Variants in COL6A3 observed in about 807,000 individuals in gnomAD.
The protein encoded by COL6A3 is collagen type VI alpha 3 chain.
A neutral mutation model predicts 274.1 loss-of-function variants in COL6A3; 137 were observed. The ratio of observed to expected loss-of-function variants is 0.50; its 90% CI spans 0.44 to 0.58. The LOEUF is 0.58. Ranked by LOEUF, COL6A3 falls within the 20% of genes least tolerant of loss-of-function variation. COL6A3 has a pLI of 0.00. For synonymous variants in COL6A3, 1,650 were observed against 1,650.6 expected, an observed-to-expected ratio of 1.00 and a Z score of 0.01; for missense variants, 3,950 against 4,124.9, an observed-to-expected ratio of 0.96 and a Z score of 1.16.
intron 1 of COL6A3, among the ~76,000 whole-genome samples, chr2:237,403,321 G>A (rs944369855): frequency 6.6e-6 from 1 of 152,112 alleles, no homozygotes; most frequent in Non-Finnish European, 1.5e-5. Context: ...CCACAAACAA[G>A]GGAATGAACA....
At chr2:237,325,183 T>G (rs1007072278) in intron 43 of COL6A3, among the ~76,000 whole-genome samples, 1 of 152,246 alleles carries the variant, frequency 6.6e-6, no homozygotes, top group Non-Finnish European at 1.5e-5. Flanking sequence ...ATGGCCCCAG[T>G]GACAACATTG....
rs773638796 is a variant in COL6A3, at chr2:237,388,232, A to G, written c.710-48T>C. ...AAATGTGAAAGCATTAGAACAAGTG[A>G]CCACATGCATTATTCAGTGTTCTGA... On this transcript the variant is annotated intron_variant, in intron 3 of 43. Coordinates refer to ENST00000295550, the MANE Select transcript of COL6A3 (RefSeq NM_004369.4). 6.2e-6 allele frequency: 10 copies of G among 1,611,578 alleles called. 1 individual carries two copies. In the South Asian group the frequency reaches 1.1e-4, roughly 18 times the overall value.
At chr2:237,360,971 G>A in intron 16 of COL6A3, 150 bp downstream of exon 16, 1 of 731,724 alleles carries the variant, frequency 1.4e-6, no homozygotes, top group South Asian at 1.5e-5. Context: ...AGACATCCAG[G>A]CAAAGTTGTT....
Position 237,387,924 on chromosome 2 carries a change from G to A in COL6A3, c.970C>T (p.Leu324Phe), listed in dbSNP as rs767105392. The A allele has an allele frequency of 2.5e-6, 4 of 1,614,168 alleles. No individual in the cohort carries two copies. The South Asian group carries it at 4.4e-5, about 18-fold the overall frequency. Residue 324 changes from leucine to phenylalanine, a missense_variant, in exon 4 of 44, where the codon CTC becomes TTC. Leu to Phe is a conservative substitution (Grantham distance 22). Transcript: ENST00000295550. ...TTCTCCACCACGAAATCAAGGGCGA[G>A]GCCGATATTGGCCAACTCCCCACCA... ...FAGGELANIGLALDFVVENHF... is the reference protein window; with the variant it reads ...FAGGELANIGFALDFVVENHF...
At position 237,379,048 on chromosome 2, in the gene COL6A3, T is replaced by C. The variant is rs775937851; in HGVS notation, c.2085A>G (p.Thr695=). The stretch of plus-strand genomic sequence containing the variant: ...CAAGGATATCTGACTTGGTCTGGTA[T>C]GTGTTTAAAGAGAACTCCGTTACAG... ...DTPVTEFSLN[T]YQTKSDILGH... is the part of the protein sequence containing the mutation. The change falls in exon 6 of 44, where the codon ACA becomes ACG. Residue 695 remains threonine (T), a synonymous_variant. Transcript: ENST00000295550. 1.9e-6 allele frequency: 3 copies of C among 1,614,244 alleles called. No individual in the cohort carries two copies. Among genetic ancestry groups the C allele is most frequent in the African/African-American group, 1.3e-5 (1 of 75,074 alleles).
In COL6A3 at chr2:237,376,995, T is replaced by C. The variant is rs746610835; in HGVS notation, c.2847A>G (p.Ala949=). 14 of 1,614,098 alleles carry C rather than the reference T, an allele frequency of 8.7e-6. 1 individual carries two copies. The highest frequency in any genetic ancestry group is 5.1e-6 in the Non-Finnish European group (6 of 1,180,036). ...GVLQFLVLLV[A]GRSSDRVDGP... is the part of the protein sequence containing the mutation. ...CATCCACACGGTCAGATGACCTTCC[T>C]GCGACCAGCAGCACCAGGAACTGAA... Residue 949 remains alanine, a synonymous_variant, in exon 7 of 44, where the codon GCA becomes GCG. Transcript: ENST00000295550.
rs751423264 is a variant in COL6A3, at chr2:237,345,217, T to TA, written c.7093-5dup. 17 of 1,613,984 alleles carry TA rather than the reference T, an allele frequency of 1.1e-5. No individual in the cohort carries two copies. The highest frequency in any genetic ancestry group is 1.4e-5 in the Non-Finnish European group (16 of 1,179,918). Reference sequence around the variant, plus strand: ...CGCCCCTGTTGCCCTTGGGACCCTGTAAAACCAAGGAACGAAAGGTGAGAG... The same window carrying TA: ...CGCCCCTGTTGCCCTTGGGACCCTGTAAAAACCAAGGAACGAAAGGTGAGAG... On this transcript the variant is annotated splice_polypyrimidine_tract_variant and splice_region_variant and intron_variant, in intron 32 of 43. Transcript: ENST00000295550.
Position 237,344,829 on chromosome 2 carries a change from G to A in COL6A3, c.7189C>T (p.Pro2397Ser). 1 of 1,612,906 alleles carries A rather than the reference G, an allele frequency of 6.2e-7. No individual in the cohort carries two copies. Among genetic ancestry groups the A allele is most frequent in the East Asian group, 2.2e-5 (1 of 44,876 alleles). ...AAGGCTAGTTCTGTTGGGAAGACGG[G>A]GCACTCCAGGGGCCCTGTGGAAAGT... ...CPCCYGPLECPVFPTELAFAL... is the reference protein window; with the variant it reads ...CPCCYGPLECSVFPTELAFAL... Residue 2397 changes from proline (P) to serine (S), a missense_variant, in exon 36 of 44, where the codon CCC becomes TCC. This residue lies in a region of COL6A3 where 1,284 missense variants were observed against 1,349.7 expected (regional missense o/e 0.95). Transcript: ENST00000295550. This position sits in a 1 kb window ranked among gnomAD's most constrained non-coding sequence, Gnocchi z 4.8.
chr2:237,392,022 G>A (rs1211807421), intron 3 of COL6A3, among the ~76,000 whole-genome samples: 1 of 152,156 alleles, frequency 6.6e-6, no homozygotes, highest in Non-Finnish European at 1.5e-5. Context: ...TGATGCCTGT[G>A]TGGTAATGCC....
intron 8 of COL6A3, among the ~76,000 whole-genome samples, chr2:237,373,310 A>C (rs921816558): frequency 2.6e-5 from 4 of 152,174 alleles, no homozygotes; most frequent in Non-Finnish European, 5.9e-5. Context: ...AGGCAGATAC[A>C]TTTTGGAAAT....
At chr2:237,356,119 C>T (rs557004879) in intron 23 of COL6A3, among the ~76,000 whole-genome samples, 4 of 152,242 alleles carry the variant, frequency 2.6e-5, no homozygotes, top group South Asian at 4.1e-4. Flanking sequence ...TGACTGAAAC[C>T]GAATTCAAAT....
At position 237,344,924 on chromosome 2, in the gene COL6A3, C is replaced by G. The variant is rs937099567; in HGVS notation, c.7174+17G>C. The G allele has an allele frequency of 1.2e-6, 2 of 1,613,866 alleles. No individual in the cohort carries two copies. The highest frequency in any genetic ancestry group is 1.1e-5 in the South Asian group (1 of 91,060). On this transcript the variant is annotated intron_variant, in intron 35 of 43. Transcript: ENST00000295550. The surrounding 1 kb of genome is among the most constrained non-coding windows in gnomAD (Gnocchi z 4.8). ...AGGCTTCCTTTCCTTAGGAGAAAGT[C>G]ACCAAAATCAACTTACCGTAACAGC...
At position 237,374,388 on chromosome 2, in the gene COL6A3, G is replaced by A. The variant is rs1341738995; in HGVS notation, c.3679+24C>T. The A allele has an allele frequency of 1.2e-6, 2 of 1,608,814 alleles. No individual in the cohort carries two copies. Among genetic ancestry groups the A allele is most frequent in the Non-Finnish European group, 1.7e-6 (2 of 1,179,936 alleles). The stretch of plus-strand genomic sequence containing the variant: ...AGCCCCAGACAATGACACTGAGTGA[G>A]GATGCAAAGAGTTCCCTGCGTACCT... On this transcript the variant is annotated intron_variant, in intron 8 of 43. Transcript: ENST00000295550. The surrounding 1 kb of genome is among the most constrained non-coding windows in gnomAD (Gnocchi z 4.8).
chr2:237,344,367 GCTGCCGGTCTTC>G lies in COL6A3; in HGVS notation c.7639_7650del (p.Glu2547_Gln2550del). 6.2e-7 allele frequency: 1 copy of G among 1,614,220 alleles called. No homozygotes were observed. The highest frequency in any genetic ancestry group is 8.5e-7 in the Non-Finnish European group (1 of 1,180,032). On this transcript the variant is annotated inframe_deletion, in exon 36 of 44. Transcript: ENST00000295550. This position sits in a 1 kb window ranked among gnomAD's most constrained non-coding sequence, Gnocchi z 4.8. Reference sequence around the variant, plus strand: ...GCACAGACCTGCAAAGCGTTGATGAGCTGCCGGTCTTCCTGCCTTGTAAGGAACAAGGGGGTG... The same window carrying G: ...GCACAGACCTGCAAAGCGTTGATGAGCTGCCTTGTAAGGAACAAGGGGGTG...
rs779509838 is a variant in COL6A3 at position 237,387,780 on chromosome 2, C to A, written c.1114G>T (p.Ala372Ser). Residue 372 changes from alanine to serine, a missense_variant, in exon 4 of 44, where the codon GCT (alanine) becomes TCT (serine). By Grantham distance (99) the Ala-to-Ser change is moderately conservative. Coordinates refer to ENST00000295550, the MANE Select transcript of COL6A3 (RefSeq NM_004369.4). ...CCAAGGCCGAATGAGAACACGCTAG[C>A]CTGCTTCAGTGCTACCACCCCGTAG... ...IRYGVVALKQASVFSFGLGAQ... is the reference protein window; with the variant it reads ...IRYGVVALKQSSVFSFGLGAQ... The A allele has an allele frequency of 7.4e-6, 12 of 1,614,084 alleles. No homozygotes were observed. The highest frequency in any genetic ancestry group is 1.6e-4 in the Middle Eastern group (1 of 6,062).
At chr2:237,349,971 T>C (rs997211033) in intron 28 of COL6A3, among the ~76,000 whole-genome samples, 176 bp downstream of exon 28, 3 of 152,112 alleles carry the variant, frequency 2.0e-5, no homozygotes, top group Non-Finnish European at 2.9e-5. Flanking sequence ...CCCCTGCCAA[T>C]AAAATAAAAC....
chr2:237,387,635 A>G lies in COL6A3; in HGVS notation c.1259T>C (p.Val420Ala). 1.9e-6 allele frequency: 3 copies of G among 1,613,892 alleles called. No individual in the cohort carries two copies. Among genetic ancestry groups the G allele is most frequent in the Non-Finnish European group, 1.7e-6 (2 of 1,179,898 alleles). ...DLQEKLLPYI[V>A]GVAQRHIVLK... Reference sequence around the variant, plus strand: ...GACAATGTGCCTTTGGGCCACGCCAACAATGTACGGCAGTAATTTCTCCTG... The same window carrying G: ...GACAATGTGCCTTTGGGCCACGCCAGCAATGTACGGCAGTAATTTCTCCTG... Residue 420 changes from valine to alanine, a missense_variant, in exon 4 of 44, where the codon GTT (valine) becomes GCT (alanine). Transcript: ENST00000295550.
chr2:237,381,544 G>T, intron 4 of COL6A3, 45 bp from the exon 5 acceptor site: 3 of 1,455,070 alleles, frequency 2.1e-6, no homozygotes, highest in Non-Finnish European at 2.8e-6. Context: ...GCCTTACCAA[G>T]CACAATCAAC....
chr2:237,361,100 A>G lies in COL6A3; in HGVS notation c.6210+21T>C, dbSNP rs775916286. The stretch of plus-strand genomic sequence containing the variant: ...TCAAGGAGGGGGTGAAATTTTAGGG[A>G]CTAAAACAATTTTTACTTACGGGTC... On this transcript the variant is annotated intron_variant, in intron 16 of 43. Transcript: ENST00000295550. The surrounding 1 kb of genome is among the most constrained non-coding windows in gnomAD (Gnocchi z 5.1). 1 of 1,610,538 alleles carries G rather than the reference A, an allele frequency of 6.2e-7. No homozygotes were observed. The highest frequency in any genetic ancestry group is 8.5e-7 in the Non-Finnish European group (1 of 1,176,726).
Sources: allele counts gnomAD v4.1 joint callset (sites outside exome capture counted in the v4.1 genomes callset), GRCh38; gene constraint gnomAD v4.1.1; regional missense constraint gnomAD v4.1.1; non-coding constraint Gnocchi (gnomAD v3.1); transcripts MANE v1.5; gene names NCBI Gene and HGNC (gene_info 2026-07-23, HGNC 2026-07-21).